The following RBM17 variants were observed in gnomAD, a reference collection of about 807,000 sequenced individuals.
The protein encoded by RBM17 is RNA binding motif protein 17, also known as splicing factor 45.
Under a neutral mutation model 53.2 loss-of-function variants are expected in RBM17, and 7 were observed. The ratio of observed to expected loss-of-function variants is 0.13; its 90% CI spans 0.07 to 0.25. RBM17 has a LOEUF of 0.25. Among genes scored for constraint, RBM17 ranks in the 10% least tolerant of loss-of-function variants. RBM17 has a pLI of 1.00. For synonymous variants in RBM17, 167 were observed against 178.1 expected (o/e 0.94, Z 0.50); for missense variants, 257 against 496.7 (o/e 0.52, Z 4.59).
rs747618853 is a variant in RBM17 at position 6,112,203 on chromosome 10, C to G, written c.705-7C>G. On this transcript the variant is annotated splice_region_variant and splice_polypyrimidine_tract_variant and intron_variant, in intron 7 of 11. Coordinates refer to ENST00000379888, the MANE Select transcript of RBM17 (RefSeq NM_032905.5). This position sits in a 1 kb window ranked among gnomAD's most constrained non-coding sequence, Gnocchi z 4.4. ...GCTAAGAGTCCTTTCCCTTCTTCTC[C>G]TGCCAGGGGCACGGTGGCGCACAAG... is the stretch of plus-strand genomic sequence containing the variant. The G allele has an allele frequency of 6.2e-7, 1 of 1,610,486 alleles. No individual in the cohort carries two copies. Among genetic ancestry groups the G allele is most frequent in the Non-Finnish European group, 8.5e-7 (1 of 1,179,714 alleles).
chr10:6,104,973 C>G lies in RBM17; in HGVS notation c.283C>G (p.Pro95Ala). 6.2e-7 allele frequency: 1 copy of G among 1,613,944 alleles called. No homozygotes were observed. Among genetic ancestry groups the G allele is most frequent in the Non-Finnish European group, 8.5e-7 (1 of 1,179,882 alleles). Residue 95 changes from proline (P) to alanine (A), a missense_variant, in exon 4 of 12, where the codon CCC becomes GCC. Pro to Ala is a conservative substitution (Grantham distance 27). Coordinates refer to ENST00000379888, the MANE Select transcript of RBM17 (RefSeq NM_032905.5). ...SGFSAGEVLI[P>A]LADEYDPMFP... is the part of the protein sequence containing the mutation. ...GTTTTCTGCAGGGGAAGTTCTGATTCCCTTAGCTGACGAATATGACCCTAT... is the reference window on the plus strand; with the variant it reads ...GTTTTCTGCAGGGGAAGTTCTGATTGCCTTAGCTGACGAATATGACCCTAT...
chr10:6,106,998 A>T (rs1045323530), intron 5 of RBM17, among the ~76,000 whole-genome samples: 23 of 152,354 alleles, frequency 1.5e-4, no homozygotes, highest in Admixed American at 5.9e-4. Context: ...CAGAATCAGT[A>T]ATCACTCTAG....
At chr10:6,097,251 A>G (rs1054773030) in intron 2 of RBM17, 63 bp downstream of exon 2, 8 of 1,560,630 alleles carry the variant, frequency 5.1e-6, no homozygotes, top group East Asian at 2.3e-5. Flanking sequence ...TTAGGATGAC[A>G]AGGAATTTGG....
In RBM17 at chr10:6,094,225, G is replaced by A. The variant is rs185703373; in HGVS notation, c.-18-2823G>A. On this transcript the variant is annotated intron_variant, in intron 1 of 11. Coordinates refer to ENST00000379888, the MANE Select transcript of RBM17 (RefSeq NM_032905.5). Reference sequence around the variant, plus strand: ...GATCTCCTGACCTCGTGATCCACCCGCCTCAGCCTCCCAAAGTGCTGGTAT... The same window carrying A: ...GATCTCCTGACCTCGTGATCCACCCACCTCAGCCTCCCAAAGTGCTGGTAT... Among the ~76,000 whole-genome samples, 9 of 152,162 alleles carry A rather than the reference G, an allele frequency of 5.9e-5. No individual in the cohort carries two copies. In the South Asian group the frequency reaches 1.0e-3, roughly 18 times the overall value.
chr10:6,096,283 T>C (rs1026847283), intron 1 of RBM17, among the ~76,000 whole-genome samples: 2 of 152,130 alleles, frequency 1.3e-5, no homozygotes, highest in African/African-American at 4.8e-5. Context: ...GCAGATTGAT[T>C]CCCTAAACCC....
rs140954071 is a variant in RBM17 at position 6,106,526 on chromosome 10, G to C, written c.505+288G>C. On this transcript the variant is annotated intron_variant, in intron 5 of 11. Coordinates refer to ENST00000379888, the MANE Select transcript of RBM17 (RefSeq NM_032905.5). Reference sequence around the variant, plus strand: ...CTGTCTTTACCTGCAGCACAGTCCAGTTGGCCGATGCTGAATCCACTCTGT... The same window carrying C: ...CTGTCTTTACCTGCAGCACAGTCCACTTGGCCGATGCTGAATCCACTCTGT... 495 of 271,500 alleles carry C rather than the reference G, an allele frequency of 1.8e-3. 3 individuals carry two copies. The highest frequency in any genetic ancestry group is 0.01 in the African/African-American group (471 of 45,710). 16.8% of individuals were successfully genotyped at this position (271,500 alleles called of 1,614,324 possible).
rs751834831 is a variant in RBM17 at position 6,105,113 on chromosome 10, G to T, written c.407+16G>T. 3 of 1,607,524 alleles carry T rather than the reference G, an allele frequency of 1.9e-6. No homozygotes were observed. The highest frequency in any genetic ancestry group is 2.6e-6 in the Non-Finnish European group (3 of 1,175,264). ...AAAGGGAAAAGTAAGGCTTCCTTTG[G>T]ATTTGGGGATATTTTACAGTTGAAA... is the stretch of plus-strand genomic sequence containing the variant. On this transcript the variant is annotated intron_variant, in intron 4 of 11. Transcript: ENST00000379888.
At position 6,090,968 on chromosome 10, in the gene RBM17, T is replaced by A. The variant is rs1203102341; in HGVS notation, c.-19+1775T>A. On this transcript the variant is annotated intron_variant, in intron 1 of 11. Transcript: ENST00000379888. ...AAAGTGCACCACCCCTCCTGTTCCTTTCTGGGTATATTTGCCATATATATG... is the reference window on the plus strand; with the variant it reads ...AAAGTGCACCACCCCTCCTGTTCCTATCTGGGTATATTTGCCATATATATG... Among the ~76,000 whole-genome samples the A allele has an allele frequency of 2.7e-5, 4 of 148,844 alleles. No individual in the cohort carries two copies. The Admixed American group carries it at 2.7e-4, about 10-fold the overall frequency.
chr10:6,106,127 C>G lies in RBM17; in HGVS notation c.408-14C>G, dbSNP rs1337920598. 6.3e-7 allele frequency: 1 copy of G among 1,596,042 alleles called. No individual in the cohort carries two copies. The highest frequency in any genetic ancestry group is 1.7e-5 in the Admixed American group (1 of 59,902). On this transcript the variant is annotated splice_polypyrimidine_tract_variant and intron_variant, in intron 4 of 11. Coordinates refer to ENST00000379888, the MANE Select transcript of RBM17 (RefSeq NM_032905.5). ...TTCATCTGTGATGAACATTTATTTC[C>G]TTTGTTATCACAGAAGGCGTAAAGA...
chr10:6,108,599 GT>G, intron 5 of RBM17, 86 bp from the exon 6 acceptor site: 1 of 1,004,202 alleles, frequency 1.0e-6, no homozygotes, highest in Non-Finnish European at 1.5e-6. Flanking sequence ...TCTTAGGGGG[GT>G]GGGTGATAGA....
chr10:6,108,207 G>C (rs779589338), intron 5 of RBM17, among the ~76,000 whole-genome samples: 1 of 152,188 alleles, frequency 6.6e-6, no homozygotes, highest in Non-Finnish European at 1.5e-5. Context: ...AACGCAGGGA[G>C]CTGGGTTTAC....
At chr10:6,106,285 TG>T (rs1564568164) in intron 5 of RBM17, 47 bp downstream of exon 5, 1 of 1,238,292 alleles carries the variant, frequency 8.1e-7, no homozygotes, top group East Asian at 2.4e-5. Context: ...ATACTGGAAG[TG>T]CAATTCCACT....
At chr10:6,098,319 G>A (rs1840609245) in intron 2 of RBM17, among the ~76,000 whole-genome samples, 1 of 152,114 alleles carries the variant, frequency 6.6e-6, no homozygotes, top group Admixed American at 6.5e-5. Context: ...TCCTTGCTGG[G>A]GAGGCAGTAA....
chr10:6,097,366 G>C (rs1315242646), intron 2 of RBM17, among the ~76,000 whole-genome samples, 178 bp downstream of exon 2: 1 of 152,202 alleles, frequency 6.6e-6, no homozygotes, highest in African/African-American at 2.4e-5. Context: ...TGGCTCCTGG[G>C]AATAGGAACA....
intron 1 of RBM17, among the ~76,000 whole-genome samples, chr10:6,093,968 A>AT (rs71390121): frequency 0.064 from 5,998 of 93,126 alleles, 257 homozygotes; most frequent in Non-Finnish European, 0.078. Context: ...CAAGTGTGGA[A>AT]TTTTTTTTTT....
At chr10:6,100,255 G>A (rs529608750) in intron 2 of RBM17, among the ~76,000 whole-genome samples, 2 of 152,124 alleles carry the variant, frequency 1.3e-5, no homozygotes, top group Non-Finnish European at 2.9e-5. Context: ...TTGCAAAAGA[G>A]AAAAATTAAA....
rs532243251 is a variant in RBM17, at chr10:6,091,860, T to G, written c.-19+2667T>G. ...GCTTGAGGAAACCAGTTGGGGGGGGTTAGTTTTATGTGGGGGCAATAGTCA... is the reference window on the plus strand; with the variant it reads ...GCTTGAGGAAACCAGTTGGGGGGGGGTAGTTTTATGTGGGGGCAATAGTCA... On this transcript the variant is annotated intron_variant, in intron 1 of 11. Coordinates refer to ENST00000379888, the MANE Select transcript of RBM17 (RefSeq NM_032905.5). Among the ~76,000 whole-genome samples, 1,125 of 129,390 alleles carry G rather than the reference T, an allele frequency of 8.7e-3. 11 individuals are homozygous for G. Among genetic ancestry groups the G allele is most frequent in the Non-Finnish European group, 0.014 (877 of 61,074 alleles). The allele number at this position is 129,390 out of a possible 152,430, so 84.9% of individuals were successfully genotyped here.
rs1221752472 is a variant in RBM17, at chr10:6,117,094, A to G, written c.*1538A>G. The G allele has an allele frequency of 1.5e-5, 2 of 136,304 alleles. No homozygotes were observed. The highest frequency in any genetic ancestry group is 2.2e-4 in the East Asian group (1 of 4,630). The allele number at this position is 136,304 out of a possible 1,614,324, so 8.4% of individuals were successfully genotyped here. On this transcript the variant is annotated 3_prime_UTR_variant, in exon 12 of 12. Coordinates refer to ENST00000379888, the MANE Select transcript of RBM17 (RefSeq NM_032905.5). ...AACTAATGGTTCCAACCCACCTTTC[A>G]TGCATGCATTTATTGTTGTTATGCT...
intron 1 of RBM17, 158 bp from the exon 2 acceptor site, chr10:6,096,890 A>C (rs906196636): frequency 3.7e-6 from 2 of 534,778 alleles, no homozygotes; most frequent in South Asian, 2.5e-5. Flanking sequence ...AGCTTCATGT[A>C]TCAGGAATAG....
Sources: allele counts gnomAD v4.1 joint callset (sites outside exome capture counted in the v4.1 genomes callset), GRCh38; gene constraint gnomAD v4.1.1; non-coding constraint Gnocchi (gnomAD v3.1); transcripts MANE v1.5; gene names NCBI Gene and HGNC (gene_info 2026-07-23, HGNC 2026-07-21).